The following SYNE1 variants were observed in gnomAD, a reference collection of about 807,000 sequenced individuals.
SYNE1 encodes the protein nesprin-1.
SYNE1 carries 616 observed loss-of-function variants against 1,111.0 expected under a neutral mutation model. The ratio of observed to expected loss-of-function variants is 0.55; its 90% CI spans 0.52 to 0.59. The LOEUF is 0.59. Among genes scored for constraint, SYNE1 ranks in the 20% least tolerant of loss-of-function variants. The pLI, the probability that SYNE1 is intolerant of heterozygous loss-of-function variation, is 0.00. For synonymous variants in SYNE1, 3,855 were observed against 3,825.8 expected, an observed-to-expected ratio of 1.01 and a Z score of -0.28; for missense variants, 10,006 against 10,417.0, an observed-to-expected ratio of 0.96 and a Z score of 1.72.
intron 8 of SYNE1, among the ~76,000 whole-genome samples, chr6:152,506,844 TG>T: frequency 6.6e-6 from 1 of 152,330 alleles, no homozygotes; most frequent in East Asian, 1.9e-4. Context: ...CCCAAAGTGC[TG>T]GGATTACAGG....
Position 152,253,970 on chromosome 6 carries a change from A to G in SYNE1, c.19470+910T>C, listed in dbSNP as rs145794103. Among the ~76,000 whole-genome samples, 952 of 151,262 alleles carry G rather than the reference A, an allele frequency of 6.3e-3. 12 individuals carry two copies. The highest frequency in any genetic ancestry group is 0.022 in the African/African-American group (924 of 41,396). On this transcript the variant is annotated intron_variant, in intron 104 of 145. Coordinates refer to ENST00000367255, the MANE Select transcript of SYNE1 (RefSeq NM_182961.4). ...TTCAATTAAAACTTATGTATTCTCA[A>G]AGAGTGCTTTTTATTAGGAATGAAA...
At chr6:152,122,815 A>G in intron 145 of SYNE1, 139 bp from the exon 146 acceptor site, 2 of 1,325,596 alleles carry the variant, frequency 1.5e-6, no homozygotes, top group South Asian at 1.2e-5. Flanking sequence ...AGCCTTCCAC[A>G]GTGTGCCCAG....
At chr6:152,525,627 T>C (rs1328497777) in intron 5 of SYNE1, among the ~76,000 whole-genome samples, 3 of 152,128 alleles carry the variant, frequency 2.0e-5, no homozygotes, top group Non-Finnish European at 2.9e-5. Context: ...ATGGATGATG[T>C]CAACAAGAAT....
At chr6:152,213,882 T>G (rs573707684) in intron 122 of SYNE1, 123 bp from the exon 123 acceptor site, 3 of 1,366,686 alleles carry the variant, frequency 2.2e-6, no homozygotes, top group African/African-American at 1.5e-5. Flanking sequence ...AAAGCTTTCA[T>G]GTCAGGTGGT....
intron 129 of SYNE1, among the ~76,000 whole-genome samples, chr6:152,177,009 T>C (rs2066627355): frequency 6.6e-6 from 1 of 152,156 alleles, no homozygotes; most frequent in Admixed American, 6.5e-5. Flanking sequence ...TATAGGTATA[T>C]ATATAAATGT....
At chr6:152,365,697 C>A (rs1227411360) in intron 62 of SYNE1, among the ~76,000 whole-genome samples, 1 of 151,706 alleles carries the variant, frequency 6.6e-6, no homozygotes. Context: ...TAGGCTCAAG[C>A]AATCCTCCCA....
chr6:152,624,531 T>C (rs929505933), intron 3 of SYNE1, among the ~76,000 whole-genome samples: 9 of 152,206 alleles, frequency 5.9e-5, no homozygotes, highest in South Asian at 2.1e-4. Flanking sequence ...TCCCCTTTAG[T>C]TGGTCTTGAA....
At chr6:152,536,416 T>G (rs2623967) in intron 4 of SYNE1, among the ~76,000 whole-genome samples, 30,225 of 135,368 alleles carry the variant, frequency 0.22, 3,579 homozygotes, top group Middle Eastern at 0.33. Flanking sequence ...TATAGTAATA[T>G]ATATATTTAT....
At chr6:152,419,360 A>G (rs2098217771) in intron 40 of SYNE1, among the ~76,000 whole-genome samples, 1 of 152,202 alleles carries the variant, frequency 6.6e-6, no homozygotes, top group Non-Finnish European at 1.5e-5. Context: ...ATGGTTGCCA[A>G]TTTTATCTGA....
At chr6:152,520,585 A>G (rs528405093) in intron 5 of SYNE1, 43 bp from the exon 6 acceptor site, 1 of 1,592,476 alleles carries the variant, frequency 6.3e-7, no homozygotes, top group Admixed American at 1.7e-5. Flanking sequence ...CAAAATCTGC[A>G]TATTAAAATG....
intron 121 of SYNE1, among the ~76,000 whole-genome samples, chr6:152,217,762 C>T (rs2079092264): frequency 2.0e-5 from 3 of 151,936 alleles, no homozygotes; most frequent in South Asian, 4.2e-4. Flanking sequence ...GAGGTGGTTT[C>T]CAGCGGTGGA....
chr6:152,462,601 G>A (rs1181608396), intron 20 of SYNE1, 137 bp downstream of exon 20: 1 of 921,602 alleles, frequency 1.1e-6, no homozygotes, highest in Non-Finnish European at 1.7e-6. Flanking sequence ...TCTGACAGGT[G>A]CAAATTGGGA....
chr6:152,323,777 TA>T (rs1563066030), intron 81 of SYNE1, 40 bp from the exon 82 acceptor site: 5 of 1,610,272 alleles, frequency 3.1e-6, no homozygotes, highest in Non-Finnish European at 4.2e-6. Context: ...CAATAATAAA[TA>T]AACTGAAAAA....
Position 152,381,926 on chromosome 6 carries a change from T to C in SYNE1, c.8653-564A>G, listed in dbSNP as rs537640364. 1.5e-4 allele frequency among the ~76,000 whole-genome samples: 23 copies of C among 152,294 alleles called. No individual in the cohort carries two copies. The East Asian group carries it at 3.9e-3, about 26-fold the overall frequency. On this transcript the variant is annotated intron_variant, in intron 55 of 145. Transcript: ENST00000367255. ...TTTTTGTAGCATATAAAATGAATAA[T>C]TCATTCATAGACTGACTTACTCAAA...
intron 61 of SYNE1, 69 bp from the exon 62 acceptor site, chr6:152,367,451 T>C: frequency 6.3e-7 from 1 of 1,594,476 alleles, no homozygotes; most frequent in South Asian, 1.1e-5. Flanking sequence ...TAACAGTTTG[T>C]TTGAAACAAA....
At chr6:152,314,566 G>C (rs574083831) in intron 87 of SYNE1, among the ~76,000 whole-genome samples, 1 of 151,936 alleles carries the variant, frequency 6.6e-6, no homozygotes, top group African/African-American at 2.4e-5. Context: ...CCTTCTATCT[G>C]TCCCCTCCCC....
chr6:152,372,088 C>T (rs1257264100), intron 59 of SYNE1, among the ~76,000 whole-genome samples: 1 of 152,146 alleles, frequency 6.6e-6, no homozygotes, highest in East Asian at 1.9e-4. Flanking sequence ...TACTCTTGGG[C>T]ATCTCTTGAA....
chr6:152,343,814 C>T (rs1419021051), intron 74 of SYNE1, among the ~76,000 whole-genome samples: 12 of 152,050 alleles, frequency 7.9e-5, no homozygotes, highest in African/African-American at 1.2e-4. Context: ...GTGATTCGCC[C>T]GTTTTGGCCT....
intron 34 of SYNE1, among the ~76,000 whole-genome samples, chr6:152,433,183 C>T (rs2098444605): frequency 1.3e-5 from 2 of 151,882 alleles, no homozygotes; most frequent in Admixed American, 1.3e-4. Context: ...ACACTCCAAG[C>T]CCCTGTAAGC....
Sources: gnomAD v4.1 joint callset for allele counts (sites outside exome capture counted in the v4.1 genomes callset) on GRCh38, gnomAD v4.1.1 for gene constraint, MANE v1.5 for transcripts, NCBI Gene and HGNC (gene_info 2026-07-23, HGNC 2026-07-21) for gene names.